The following ZC3H12D variants were observed in gnomAD, a reference collection of about 807,000 sequenced individuals.
The protein encoded by ZC3H12D is zinc finger CCCH-type containing 12D.
In ZC3H12D, 11 loss-of-function variants were observed where a neutral mutation model predicts 24.2. The observed-to-expected ratio is 0.46, with a 90% CI of 0.29 to 0.75. The LOEUF (loss-of-function observed/expected upper bound fraction) is 0.75, where lower values mean the gene tolerates loss of function less well. ZC3H12D is among the 30% of genes least tolerant of loss of function. The pLI is 0.11. For synonymous variants in ZC3H12D, 333 were observed against 341.8 expected (o/e 0.97, Z 0.28); for missense variants, 740 against 767.7 (o/e 0.96, Z 0.43).
chr6:149,451,272 G>T lies in ZC3H12D; in HGVS notation c.995C>A (p.Pro332Gln). ...GGCCAGGTCCGGGGACCCCCGCGCC[G>T]GCGGGAGGCTGTGCGCAAATGGTTC... ...PREPFAHSLP[P>Q]ARGSPDLAAL... Residue 332 changes from proline (P) to glutamine (Q), a missense_variant, in exon 6 of 6, where the codon CCG becomes CAG. Physicochemically the swap from Pro to Gln is moderately conservative, Grantham distance 76 (BLOSUM62 -1). Transcript: ENST00000409806. 2 of 1,301,162 alleles carry T rather than the reference G, an allele frequency of 1.5e-6. No individual in the cohort carries two copies. Among genetic ancestry groups the T allele is most frequent in the Non-Finnish European group, 9.7e-7 (1 of 1,031,410 alleles). 80.6% of individuals were successfully genotyped at this position (1,301,162 alleles called of 1,614,324 possible).
chr6:149,467,890 C>T (rs1776185362), intron 2 of ZC3H12D, among the ~76,000 whole-genome samples: 1 of 152,200 alleles, frequency 6.6e-6, no homozygotes, highest in African/African-American at 2.4e-5. Flanking sequence ...ACCTCATGCC[C>T]TTATTAACCA....
chr6:149,462,161 G>C (rs1562473811), intron 2 of ZC3H12D, among the ~76,000 whole-genome samples, 191 bp from the exon 3 acceptor site: 1 of 152,120 alleles, frequency 6.6e-6, no homozygotes, highest in Non-Finnish European at 1.5e-5. Context: ...ATCACTTGAG[G>C]TCAGGAGTTT....
In ZC3H12D at chr6:149,450,637, A is replaced by G; in HGVS notation, c.*46T>C. The G allele has an allele frequency of 1.4e-6, 2 of 1,460,426 alleles. No individual in the cohort carries two copies. Among genetic ancestry groups the G allele is most frequent in the African/African-American group, 1.4e-5 (1 of 70,850 alleles). The allele number at this position is 1,460,426 out of a possible 1,614,324, so 90.5% of individuals were successfully genotyped here. On this transcript the variant is annotated 3_prime_UTR_variant, in exon 6 of 6. Transcript: ENST00000409806. ...GCAACCACAGGTCCACCCGTCCAAG[A>G]CGCAAGGCGAGGCTGGGCCATTCCC...
At chr6:149,480,981 A>G (rs1378040752) in intron 1 of ZC3H12D, among the ~76,000 whole-genome samples, 1 of 151,686 alleles carries the variant, frequency 6.6e-6, no homozygotes, top group Admixed American at 6.5e-5. Flanking sequence ...ACTGGTGACC[A>G]GTCCTTCTCT....
Position 149,456,625 on chromosome 6 carries a change from CCCGCCG to C in ZC3H12D, c.680+35_680+40del. ...CACTGCCTCGACCCCGGCCCCCCGC[CCCGCCG>C]CCCCCCAGGGTGTCAGGACCCCAGC... On this transcript the variant is annotated intron_variant, in intron 4 of 5. Transcript: ENST00000409806. The surrounding 1 kb of genome is among the most constrained non-coding windows in gnomAD (Gnocchi z 4.3). 6.9e-5 allele frequency: 93 copies of C among 1,356,866 alleles called. No homozygotes were observed. The highest frequency in any genetic ancestry group is 8.4e-5 in the Non-Finnish European group (80 of 956,438). 84.1% of individuals were successfully genotyped at this position (1,356,866 alleles called of 1,614,324 possible). A position where few individuals can be genotyped will look rare whatever the true frequency, so the allele number is the denominator to read the frequency against.
Position 149,450,479 on chromosome 6 carries a change from A to G in ZC3H12D, c.*204T>C. ...GGAAGTGGGTGGACCTCCCCGCAGC[A>G]GGCCCCGGCCTCAGTGAGGATCACC... On this transcript the variant is annotated 3_prime_UTR_variant, in exon 6 of 6. Transcript: ENST00000409806. 1.8e-6 allele frequency: 1 copy of G among 549,314 alleles called. No homozygotes were observed. The highest frequency in any genetic ancestry group is 3.1e-6 in the Non-Finnish European group (1 of 319,698). The allele number at this position is 549,314 out of a possible 1,614,324, so 34.0% of individuals were successfully genotyped here.
At position 149,450,568 on chromosome 6, in the gene ZC3H12D, A is replaced by T; in HGVS notation, c.*115T>A. 4.6e-6 allele frequency: 5 copies of T among 1,096,634 alleles called. No individual in the cohort carries two copies. The highest frequency in any genetic ancestry group is 6.2e-6 in the Non-Finnish European group (5 of 801,160). 67.9% of individuals were successfully genotyped at this position (1,096,634 alleles called of 1,614,324 possible). On this transcript the variant is annotated 3_prime_UTR_variant, in exon 6 of 6. Transcript: ENST00000409806. ...GAAGCAGGCTTCCCTGACCATCTTT[A>T]AAGAAAAGGGGGCACCATGATGGGC...
intron 3 of ZC3H12D, among the ~76,000 whole-genome samples, chr6:149,460,827 T>C (rs1168668098): frequency 1.6e-5 from 2 of 128,760 alleles, no homozygotes; most frequent in Non-Finnish European, 3.3e-5. Context: ...TGAAACTCCA[T>C]GTCAAAAAAA....
intron 2 of ZC3H12D, among the ~76,000 whole-genome samples, chr6:149,465,129 G>A (rs375171636): frequency 2.6e-5 from 4 of 152,150 alleles, no homozygotes; most frequent in Non-Finnish European, 4.4e-5. Context: ...TGAGGTGGGC[G>A]GATCACCTGA....
rs381226 is a variant in ZC3H12D at position 149,464,441 on chromosome 6, A to G, written c.306-2471T>C. Among the ~76,000 whole-genome samples, 80 of 152,076 alleles carry G rather than the reference A, an allele frequency of 5.3e-4. No individual in the cohort carries two copies. In the East Asian group the frequency reaches 0.014, roughly 26 times the overall value. ...CTGGCCTCAAATTAGATCACTCCACATCCTCTTCCGCCTTCAGATCCCAGC... is the reference window on the plus strand; with the variant it reads ...CTGGCCTCAAATTAGATCACTCCACGTCCTCTTCCGCCTTCAGATCCCAGC... On this transcript the variant is annotated intron_variant, in intron 2 of 5. Transcript: ENST00000409806.
Position 149,456,623 on chromosome 6 carries a change from G to GGGGGGCGACC in ZC3H12D, c.680+42_680+43insGGTCGCCCCC. The stretch of plus-strand genomic sequence containing the variant: ...GCCACTGCCTCGACCCCGGCCCCCC[G>GGGGGGCGACC]CCCCGCCGCCCCCCAGGGTGTCAGG... On this transcript the variant is annotated intron_variant, in intron 4 of 5. Transcript: ENST00000409806. The surrounding 1 kb of genome is among the most constrained non-coding windows in gnomAD (Gnocchi z 4.3). The GGGGGGCGACC allele has an allele frequency of 1.3e-6, 1 of 744,590 alleles. No individual in the cohort carries two copies. The highest frequency in any genetic ancestry group is 2.2e-6 in the Non-Finnish European group (1 of 456,108). The allele number at this position is 744,590 out of a possible 1,614,324, so 46.1% of individuals were successfully genotyped here.
In ZC3H12D at chr6:149,452,769, C is replaced by T; in HGVS notation, c.681-47G>A. 2 of 1,509,736 alleles carry T rather than the reference C, an allele frequency of 1.3e-6. No individual in the cohort carries two copies. 93.5% of individuals were successfully genotyped at this position (1,509,736 alleles called of 1,614,324 possible). ...AACTGCAAGACCACCTGGGATTTGC[C>T]ACCAGCACCTGTACAAAGGGAGCAG... On this transcript the variant is annotated intron_variant, in intron 4 of 5. Coordinates refer to ENST00000409806, the MANE Select transcript of ZC3H12D (RefSeq NM_207360.3). This position sits in a 1 kb window ranked among gnomAD's most constrained non-coding sequence, Gnocchi z 4.0.
At chr6:149,453,898 T>C (rs1775939524) in intron 4 of ZC3H12D, among the ~76,000 whole-genome samples, 1 of 152,106 alleles carries the variant, frequency 6.6e-6, no homozygotes, top group South Asian at 2.1e-4. Flanking sequence ...CAAAAAACAG[T>C]TCCAGAAGGT....
chr6:149,480,868 G>A (rs144046121), intron 1 of ZC3H12D, among the ~76,000 whole-genome samples: 5 of 148,896 alleles, frequency 3.4e-5, no homozygotes, highest in African/African-American at 9.8e-5. Flanking sequence ...TTCCAAGTGC[G>A]AAGAAGGGCC....
intron 2 of ZC3H12D, among the ~76,000 whole-genome samples, chr6:149,466,648 C>A (rs1257966598): frequency 6.6e-6 from 1 of 152,094 alleles, no homozygotes; most frequent in Admixed American, 6.6e-5. Context: ...GAGGCCGAGG[C>A]GGGCGGATCA....
intron 2 of ZC3H12D, among the ~76,000 whole-genome samples, chr6:149,466,319 G>A (rs1583188900): frequency 6.6e-6 from 1 of 150,814 alleles, no homozygotes; most frequent in African/African-American, 2.4e-5. Flanking sequence ...AGCCTGAGTC[G>A]CCCAGGAGAC....
chr6:149,458,864 T>C (rs1443027561), intron 3 of ZC3H12D, among the ~76,000 whole-genome samples: 1 of 152,220 alleles, frequency 6.6e-6, no homozygotes, highest in Non-Finnish European at 1.5e-5. Flanking sequence ...TCTTTTCATA[T>C]GTTTGTATGT....
In ZC3H12D at chr6:149,474,551, C is replaced by A; in HGVS notation, c.-8G>T. The A allele has an allele frequency of 6.7e-7, 1 of 1,488,562 alleles. No individual in the cohort carries two copies. Among genetic ancestry groups the A allele is most frequent in the Non-Finnish European group, 9.0e-7 (1 of 1,110,136 alleles). The allele number at this position is 1,488,562 out of a possible 1,614,324, so 92.2% of individuals were successfully genotyped here. A position where few individuals can be genotyped will look rare whatever the true frequency, so the allele number is the denominator to read the frequency against. Reference sequence around the variant, plus strand: ...CTTGCTGGGGTGCTCCATGCTGTGCCCAGCGGCCACTGGCGCAGGTCCTGC... The same window carrying A: ...CTTGCTGGGGTGCTCCATGCTGTGCACAGCGGCCACTGGCGCAGGTCCTGC... On this transcript the variant is annotated 5_prime_UTR_variant, in exon 2 of 6. Transcript: ENST00000409806.
Position 149,450,789 on chromosome 6 carries a change from T to C in ZC3H12D, c.1478A>G (p.Gln493Arg). ...IALYSVFPRDQVDRVMAAFPE... is the reference protein window; with the variant it reads ...IALYSVFPRDRVDRVMAAFPE... ...GAACGCGGCCATCACGCGGTCCACC[T>C]GGTCACGCGGGAAGACGCTGTAGAG... Residue 493 changes from glutamine to arginine, a missense_variant, in exon 6 of 6, where the codon CAG (glutamine) becomes CGG (arginine). Physicochemically the swap from Gln to Arg is conservative, Grantham distance 43. Coordinates refer to ENST00000409806, the MANE Select transcript of ZC3H12D (RefSeq NM_207360.3). 1 of 1,549,240 alleles carries C rather than the reference T, an allele frequency of 6.5e-7. No homozygotes were observed. Among genetic ancestry groups the C allele is most frequent in the Non-Finnish European group, 8.7e-7 (1 of 1,146,786 alleles).
Sources: allele counts gnomAD v4.1 joint callset (sites outside exome capture counted in the v4.1 genomes callset), GRCh38; gene constraint gnomAD v4.1.1; non-coding constraint Gnocchi (gnomAD v3.1); transcripts MANE v1.5; gene names NCBI Gene and HGNC (gene_info 2026-07-23, HGNC 2026-07-21).